The following UXS1 variants were observed in gnomAD, a reference collection of about 807,000 sequenced individuals.
The protein encoded by UXS1 is UDP-glucuronic acid decarboxylase 1.
UXS1 carries 33 observed loss-of-function variants against 62.6 expected under a neutral mutation model. That is an observed-to-expected ratio of 0.53 (90% CI 0.40 to 0.70). UXS1 has a LOEUF of 0.70. UXS1 is among the 30% of genes least tolerant of loss of function. UXS1 has a pLI of 0.00. For synonymous variants in UXS1, 213 were observed against 206.8 expected, an observed-to-expected ratio of 1.03 and a Z score of -0.26; for missense variants, 434 against 556.3, an observed-to-expected ratio of 0.78 and a Z score of 2.21.
At chr2:106,149,328 G>A (rs1041904588) in intron 5 of UXS1, among the ~76,000 whole-genome samples, 2 of 152,306 alleles carry the variant, frequency 1.3e-5, no homozygotes, top group Admixed American at 1.3e-4. Context: ...CTGTAACAGT[G>A]CTGCTGTGCT....
At chr2:106,175,232 AT>A (rs1159408185) in intron 1 of UXS1, among the ~76,000 whole-genome samples, 24 of 152,366 alleles carry the variant, frequency 1.6e-4, no homozygotes, top group African/African-American at 5.3e-4. Flanking sequence ...CACTGAAAGT[AT>A]TATTGGCAGA....
chr2:106,191,193 TAAG>T (rs1234663986), intron 1 of UXS1, among the ~76,000 whole-genome samples: 18 of 151,922 alleles, frequency 1.2e-4, no homozygotes, highest in Admixed American at 2.6e-4. Flanking sequence ...GGGAAAGATG[TAAG>T]GAGGAGAAGG....
intron 6 of UXS1, among the ~76,000 whole-genome samples, chr2:106,140,911 C>G (rs576606268): frequency 6.6e-6 from 1 of 152,102 alleles, no homozygotes; most frequent in Non-Finnish European, 1.5e-5. Context: ...TTTATACAGA[C>G]GGTGGAAAAG....
chr2:106,145,315 T>TC lies in UXS1; in HGVS notation c.346dup (p.Asp116GlyfsTer26), dbSNP rs1211431997. ...GTCCACCACGGTCACCTCGTGGCCG[T>TC]CCATCATGAGTTTGTCAGTTAGATG... On this transcript the variant is annotated frameshift_variant, in exon 6 of 15. Coordinates refer to ENST00000283148, the MANE Select transcript of UXS1 (RefSeq NM_001253875.2). LOFTEE classifies it high-confidence loss of function. 6.2e-7 allele frequency: 1 copy of TC among 1,613,902 alleles called. No homozygotes were observed. Among genetic ancestry groups the TC allele is most frequent in the South Asian group, 1.1e-5 (1 of 91,066 alleles).
chr2:106,094,672 G>A (rs895045157), intron 14 of UXS1, among the ~76,000 whole-genome samples: 2 of 152,138 alleles, frequency 1.3e-5, no homozygotes, highest in Non-Finnish European at 2.9e-5. Context: ...CATACTAAGA[G>A]GCTGAGTCTG....
chr2:106,187,987 C>G (rs1176811588), intron 1 of UXS1, among the ~76,000 whole-genome samples: 3 of 152,182 alleles, frequency 2.0e-5, no homozygotes, highest in Non-Finnish European at 4.4e-5. Context: ...GGTGATCCAC[C>G]TGCCTTGGCC....
At chr2:106,112,140 A>G (rs542287029) in intron 10 of UXS1, among the ~76,000 whole-genome samples, 2 of 152,326 alleles carry the variant, frequency 1.3e-5, no homozygotes, top group African/African-American at 2.4e-5. Flanking sequence ...CACTTGGACC[A>G]CCGACCACAG....
chr2:106,182,879 G>A (rs779543219), intron 1 of UXS1, among the ~76,000 whole-genome samples: 5 of 152,320 alleles, frequency 3.3e-5, no homozygotes, highest in Middle Eastern at 3.4e-3. Flanking sequence ...GAGCGCTTCC[G>A]TTGGGATAGT....
chr2:106,164,795 G>T lies in UXS1; in HGVS notation c.127C>A (p.Leu43Ile). The stretch of plus-strand genomic sequence containing the variant: ...TTTTCCTGGATAGACCTGTTGAGTA[G>T]AAAGCTATAAAACTGAGATCAACTG... ...VWGNFVNMSF[L>I]LNRSIQENGE... The change falls in exon 3 of 15, where the codon CTA becomes ATA. Residue 43 changes from leucine (L) to isoleucine (I), a missense_variant. Transcript: ENST00000283148. 1.3e-6 allele frequency: 2 copies of T among 1,585,854 alleles called. No individual in the cohort carries two copies. Among genetic ancestry groups the T allele is most frequent in the Non-Finnish European group, 8.6e-7 (1 of 1,166,196 alleles).
At chr2:106,094,214 CAGGA>C in intron 14 of UXS1, 57 bp from the exon 15 acceptor site, 5 of 1,605,128 alleles carry the variant, frequency 3.1e-6, no homozygotes, top group Non-Finnish European at 4.2e-6. Flanking sequence ...AAGGGCATCG[CAGGA>C]AGGAAGTGCC....
Position 106,145,262 on chromosome 2 carries a change from C to A in UXS1, c.400G>T (p.Val134Leu), listed in dbSNP as rs762838871. 2 of 1,613,994 alleles carry A rather than the reference C, an allele frequency of 1.2e-6. No individual in the cohort carries two copies. The highest frequency in any genetic ancestry group is 1.7e-6 in the Non-Finnish European group (2 of 1,179,890). The change falls in exon 6 of 15, where the codon GTG becomes TTG. Residue 134 changes from valine to leucine, a missense_variant. Physicochemically the swap from Val to Leu is conservative, Grantham distance 32. Around this residue, in one of 3 missense-constraint regions of UXS1, gnomAD observed 134 missense variants for 251.9 expected, o/e 0.53. Coordinates refer to ENST00000283148, the MANE Select transcript of UXS1 (RefSeq NM_001253875.2). ...TTCTCATGTCCGATCCAGTGCTCCA[C>A]GTTTCTCTTCCTGCCCGTGAAGAAA... ...DNFFTGRKRN[V>L]EHWIGHENFE...
chr2:106,129,877 T>G, intron 6 of UXS1, 99 bp from the exon 7 acceptor site: 1 of 645,594 alleles, frequency 1.5e-6, no homozygotes, highest in South Asian at 2.6e-5. Context: ...TTAGTATATC[T>G]TTCACTGAAA....
chr2:106,104,681 T>G, intron 11 of UXS1, 113 bp downstream of exon 11: 5 of 1,321,532 alleles, frequency 3.8e-6, no homozygotes, highest in South Asian at 1.2e-5. Context: ...CAATATATAG[T>G]GTTAGCGTTG....
intron 10 of UXS1, among the ~76,000 whole-genome samples, chr2:106,107,916 C>T (rs1190412242): frequency 6.6e-6 from 1 of 152,224 alleles, no homozygotes; most frequent in Admixed American, 6.5e-5. Context: ...TGAGGCCCAA[C>T]TGGGCCTCAA....
intron 5 of UXS1, among the ~76,000 whole-genome samples, chr2:106,157,397 C>T (rs1001201164): frequency 1.3e-5 from 2 of 152,170 alleles, no homozygotes; most frequent in Non-Finnish European, 2.9e-5. Context: ...AAGGATACCC[C>T]TGGGTATTCT....
intron 13 of UXS1, chr2:106,097,029 C>T (rs1328758850): frequency 2.9e-6 from 2 of 682,468 alleles, no homozygotes; most frequent in East Asian, 5.8e-5. Flanking sequence ...TGTGGCCAAG[C>T]TGACTGTGTG....
At chr2:106,168,178 C>T (rs776396584) in intron 1 of UXS1, among the ~76,000 whole-genome samples, 41 of 152,148 alleles carry the variant, frequency 2.7e-4, no homozygotes, top group Non-Finnish European at 4.7e-4. Context: ...AAAAAAGATA[C>T]AGGTCATAAA....
intron 4 of UXS1, among the ~76,000 whole-genome samples, chr2:106,158,358 A>C (rs1416695729): frequency 6.6e-6 from 1 of 152,188 alleles, no homozygotes; most frequent in Non-Finnish European, 1.5e-5. Context: ...ATCTCTGAGA[A>C]GCAAAAGCGC....
chr2:106,142,867 A>G (rs1417070383), intron 6 of UXS1, among the ~76,000 whole-genome samples: 1 of 151,990 alleles, frequency 6.6e-6, no homozygotes, highest in Non-Finnish European at 1.5e-5. Context: ...AGCACCAGTC[A>G]TTTATTGTAT....
Sources: gnomAD v4.1 joint callset for allele counts (sites outside exome capture counted in the v4.1 genomes callset) on GRCh38, gnomAD v4.1.1 for gene constraint, gnomAD v4.1.1 regional missense constraint, MANE v1.5 for transcripts, NCBI Gene and HGNC (gene_info 2026-07-23, HGNC 2026-07-21) for gene names.